Variants in BRINP3 observed in about 807,000 individuals in gnomAD.
BRINP3 encodes the protein BMP/retinoic acid-inducible neural-specific protein 3.
A neutral mutation model predicts 71.0 loss-of-function variants in BRINP3; 19 were observed. That is an observed-to-expected ratio of 0.27 (90% CI 0.19 to 0.39). The LOEUF (loss-of-function observed/expected upper bound fraction) is 0.39, where lower values mean the gene tolerates loss of function less well. BRINP3 is among the 10% of genes least tolerant of loss of function. The pLI, the probability that BRINP3 is intolerant of heterozygous loss-of-function variation, is 1.00. For missense variants in BRINP3, 959 were observed against 940.8 expected (o/e 1.02, Z -0.25); for synonymous variants, 380 against 337.7 (o/e 1.13, Z -1.37).
intron 6 of BRINP3, among the ~76,000 whole-genome samples, chr1:190,169,804 TGTTA>T (rs551824059): frequency 3.2e-4 from 48 of 152,286 alleles, no homozygotes; most frequent in African/African-American, 9.9e-4. Flanking sequence ...CATAAATAAC[TGTTA>T]GTTATTATTT....
intron 6 of BRINP3, among the ~76,000 whole-genome samples, chr1:190,220,352 C>G (rs1050701716): frequency 6.6e-6 from 1 of 151,724 alleles, no homozygotes; most frequent in African/African-American, 2.4e-5. Context: ...TGAGATCACA[C>G]GGACACAGGG....
At chr1:190,152,205 T>A (rs988022706) in intron 7 of BRINP3, among the ~76,000 whole-genome samples, 31 of 152,224 alleles carry the variant, frequency 2.0e-4, no homozygotes, top group Admixed American at 6.5e-4. Flanking sequence ...TAATTCTTTT[T>A]AAATTAATTC....
At position 190,410,277 on chromosome 1, in the gene BRINP3, C is replaced by T. The variant is rs79720862; in HGVS notation, c.236+44378G>A. On this transcript the variant is annotated intron_variant, in intron 2 of 7. Transcript: ENST00000367462. ...GATGTGAGAGTTATGGGAGGGTATGCCTCTGATATTTTTGGCCTGATCAAC... is the reference window on the plus strand; with the variant it reads ...GATGTGAGAGTTATGGGAGGGTATGTCTCTGATATTTTTGGCCTGATCAAC... 5.4e-3 allele frequency among the ~76,000 whole-genome samples: 816 copies of T among 152,122 alleles called. 8 individuals are homozygous for T. The highest frequency in any genetic ancestry group is 0.019 in the African/African-American group (776 of 41,496).
chr1:190,380,964 G>T (rs1297205568), intron 2 of BRINP3, among the ~76,000 whole-genome samples: 1 of 151,934 alleles, frequency 6.6e-6, no homozygotes, highest in Non-Finnish European at 1.5e-5. Flanking sequence ...AAACTAGGAA[G>T]TCCAGTTATG....
chr1:190,274,796 TG>T (rs2102910650), intron 3 of BRINP3, among the ~76,000 whole-genome samples: 1 of 151,478 alleles, frequency 6.6e-6, no homozygotes, highest in African/African-American at 2.4e-5. Flanking sequence ...TATGGTATTG[TG>T]GGGGAAAAAA....
intron 4 of BRINP3, among the ~76,000 whole-genome samples, chr1:190,254,480 G>T (rs1351613257): frequency 6.6e-6 from 1 of 151,952 alleles, no homozygotes; most frequent in East Asian, 1.9e-4. Flanking sequence ...CCTTGAAGAG[G>T]TCCTTCACAT....
intron 2 of BRINP3, among the ~76,000 whole-genome samples, chr1:190,421,187 C>T (rs943505225): frequency 2.0e-5 from 3 of 151,356 alleles, no homozygotes; most frequent in African/African-American, 7.3e-5. Context: ...AACAATTGTC[C>T]AATTTCTTAA....
intron 2 of BRINP3, among the ~76,000 whole-genome samples, chr1:190,329,265 C>T (rs987659838): frequency 6.6e-6 from 1 of 151,866 alleles, no homozygotes; most frequent in Non-Finnish European, 1.5e-5. Flanking sequence ...TGATTTAATT[C>T]TATACCTAGA....
chr1:190,122,970 A>G (rs117551734), intron 7 of BRINP3, among the ~76,000 whole-genome samples: 1 of 151,502 alleles, frequency 6.6e-6, no homozygotes, highest in East Asian at 1.9e-4. Context: ...TCACTTTTGA[A>G]TTATCCTTCT....
chr1:190,445,026 G>T (rs966951340), intron 2 of BRINP3, among the ~76,000 whole-genome samples: 3 of 151,950 alleles, frequency 2.0e-5, no homozygotes, highest in Non-Finnish European at 4.4e-5. Flanking sequence ...CAATTAATTG[G>T]TGTAAGACTC....
At chr1:190,281,190 T>A in intron 3 of BRINP3, among the ~76,000 whole-genome samples, 1 of 152,096 alleles carries the variant, frequency 6.6e-6, no homozygotes, top group East Asian at 1.9e-4. Flanking sequence ...TTATTTAATA[T>A]GTACTCAAAG....
intron 2 of BRINP3, among the ~76,000 whole-genome samples, chr1:190,348,478 C>T (rs549889694): frequency 2.0e-5 from 3 of 152,280 alleles, no homozygotes; most frequent in African/African-American, 7.2e-5. Context: ...AAAAGCCTCA[C>T]AACTTCTTAA....
At chr1:190,386,258 A>T (rs989291246) in intron 2 of BRINP3, among the ~76,000 whole-genome samples, 69 of 151,650 alleles carry the variant, frequency 4.5e-4, no homozygotes, top group African/African-American at 1.5e-3. Flanking sequence ...CTTAAAAAAA[A>T]AATAATAAAA....
At chr1:190,151,462 T>C (rs1171533793) in intron 7 of BRINP3, among the ~76,000 whole-genome samples, 3 of 152,188 alleles carry the variant, frequency 2.0e-5, no homozygotes, top group African/African-American at 2.4e-5. Flanking sequence ...GTTTATCAAT[T>C]TGTACTCCAT....
rs1405510862 is a variant in BRINP3, at chr1:190,412,457, T to G, written c.236+42198A>C. Among the ~76,000 whole-genome samples the G allele has an allele frequency of 9.0e-4, 118 of 131,068 alleles. 1 individual carries two copies. The highest frequency in any genetic ancestry group is 1.4e-3 in the Non-Finnish European group (89 of 61,862). The allele number at this position is 131,068 out of a possible 152,430, so 86.0% of individuals were successfully genotyped here. A position where few individuals can be genotyped will look rare whatever the true frequency, so the allele number is the denominator to read the frequency against. Reference sequence around the variant, plus strand: ...GTAGTACTTTTTTTGTTTTGTTTTGTTTTTTTTTGTTTTTTTTTTTTTTGA... The same window carrying G: ...GTAGTACTTTTTTTGTTTTGTTTTGGTTTTTTTTGTTTTTTTTTTTTTTGA... On this transcript the variant is annotated intron_variant, in intron 2 of 7. Transcript: ENST00000367462.
intron 5 of BRINP3, among the ~76,000 whole-genome samples, chr1:190,228,939 A>G (rs1390414100): frequency 6.6e-6 from 1 of 152,098 alleles, no homozygotes; most frequent in Non-Finnish European, 1.5e-5. Flanking sequence ...TGTGAGGGCA[A>G]CTGCTACAAG....
chr1:190,117,689 A>G (rs200847116), intron 7 of BRINP3, among the ~76,000 whole-genome samples: 1 of 152,048 alleles, frequency 6.6e-6, no homozygotes, highest in African/African-American at 2.4e-5. Context: ...CACAAATGTC[A>G]TTATCACATA....
At chr1:190,292,712 T>A (rs1663963423) in intron 2 of BRINP3, among the ~76,000 whole-genome samples, 1 of 152,082 alleles carries the variant, frequency 6.6e-6, no homozygotes, top group African/African-American at 2.4e-5. Context: ...TTTTGGTACT[T>A]CTTTAATCTT....
chr1:190,245,686 T>C (rs932553399), intron 4 of BRINP3, among the ~76,000 whole-genome samples: 1 of 151,926 alleles, frequency 6.6e-6, no homozygotes, highest in Non-Finnish European at 1.5e-5. Context: ...ATGTGCCATG[T>C]TGGTGTGCTG....
Sources: gnomAD v4.1 joint callset for allele counts (sites outside exome capture counted in the v4.1 genomes callset) on GRCh38, gnomAD v4.1.1 for gene constraint, MANE v1.5 for transcripts, NCBI Gene and HGNC (gene_info 2026-07-23, HGNC 2026-07-21) for gene names.